Variants in CPED1 observed in about 807,000 individuals in gnomAD.
CPED1 encodes cadherin-like and PC-esterase domain-containing protein 1.
CPED1 carries 114 observed loss-of-function variants against 128.2 expected under a neutral mutation model. The ratio of observed to expected loss-of-function variants is 0.89; its 90% CI spans 0.76 to 1.04. CPED1 has a LOEUF of 1.04. CPED1 is among the 50% of genes least tolerant of loss of function. CPED1 has a pLI of 0.00. For synonymous variants in CPED1, 462 were observed against 426.7 expected (o/e 1.08, Z -1.02); for missense variants, 1,211 against 1,207.1 (o/e 1.00, Z -0.05).
intron 6 of CPED1, among the ~76,000 whole-genome samples, chr7:121,098,743 TAAAA>T (rs59572121): frequency 0.78 from 97,748 of 125,126 alleles, 37,223 homozygotes; most frequent in East Asian, 0.91. Context: ...TATATATATA[TAAAA>T]ATATATAAAA....
rs533350583 is a variant in CPED1, at chr7:121,040,605, A to C, written c.434-6282A>C. 3.9e-5 allele frequency among the ~76,000 whole-genome samples: 6 copies of C among 152,200 alleles called. No individual in the cohort carries two copies. In the South Asian group the frequency reaches 1.2e-3, roughly 31 times the overall value. The stretch of plus-strand genomic sequence containing the variant: ...ATAATACTATGCACTAATCCTGATA[A>C]AGGATGGATACAGGTAAATACTTTG... On this transcript the variant is annotated intron_variant, in intron 3 of 22. Transcript: ENST00000310396.
At chr7:121,010,754 C>T (rs1222826505) in intron 2 of CPED1, among the ~76,000 whole-genome samples, 3 of 152,100 alleles carry the variant, frequency 2.0e-5, no homozygotes, top group Non-Finnish European at 4.4e-5. Flanking sequence ...GCTTGAGATT[C>T]AGTTAAGTCA....
At chr7:121,029,009 A>G (rs1261102475) in intron 3 of CPED1, among the ~76,000 whole-genome samples, 1 of 152,286 alleles carries the variant, frequency 6.6e-6, no homozygotes, top group East Asian at 1.9e-4. Flanking sequence ...AACACATACC[A>G]TAAAAACTTT....
intron 16 of CPED1, among the ~76,000 whole-genome samples, chr7:121,187,099 C>T (rs371431551): frequency 6.6e-6 from 1 of 152,158 alleles, no homozygotes; most frequent in African/African-American, 2.4e-5. Flanking sequence ...ATTTTTCTCT[C>T]CTGCTCTTGT....
chr7:121,025,124 A>C (rs892725794), intron 3 of CPED1, among the ~76,000 whole-genome samples: 6 of 151,992 alleles, frequency 3.9e-5, no homozygotes, highest in African/African-American at 1.4e-4. Context: ...ATGTTTCCCA[A>C]AATAATTAAC....
intron 16 of CPED1, among the ~76,000 whole-genome samples, chr7:121,231,295 A>G (rs189024478): frequency 6.6e-6 from 1 of 152,218 alleles, no homozygotes; most frequent in East Asian, 1.9e-4. Flanking sequence ...CTTTACTACA[A>G]CATAAGAAGA....
chr7:121,144,798 T>C (rs541845318), intron 16 of CPED1, among the ~76,000 whole-genome samples: 1 of 151,956 alleles, frequency 6.6e-6, no homozygotes, highest in South Asian at 2.1e-4. Flanking sequence ...ATGTATCCCA[T>C]AAATATATAC....
intron 2 of CPED1, among the ~76,000 whole-genome samples, chr7:121,003,144 A>G (rs1791910519): frequency 6.6e-6 from 1 of 152,142 alleles, no homozygotes; most frequent in Non-Finnish European, 1.5e-5. Context: ...CGTATTTTCC[A>G]TTCAGCTCTT....
At chr7:121,225,924 A>G (rs1797997975) in intron 16 of CPED1, among the ~76,000 whole-genome samples, 1 of 152,004 alleles carries the variant, frequency 6.6e-6, no homozygotes, top group Admixed American at 6.6e-5. Context: ...GGGTTTGAAC[A>G]TGCTCCTTTA....
At chr7:121,241,754 G>C (rs893170215) in intron 17 of CPED1, among the ~76,000 whole-genome samples, 1 of 152,156 alleles carries the variant, frequency 6.6e-6, no homozygotes, top group Non-Finnish European at 1.5e-5. Context: ...AACAATTGTG[G>C]CTCACTGAGA....
At chr7:121,189,831 A>G (rs1797095930) in intron 16 of CPED1, among the ~76,000 whole-genome samples, 1 of 128,422 alleles carries the variant, frequency 7.8e-6, no homozygotes. Flanking sequence ...TTATCATCTT[A>G]ACTCTGCATC....
Position 121,142,066 on chromosome 7 carries a change from C to A in CPED1, c.1980C>A (p.Tyr660Ter). Residue 660 changes from tyrosine to a stop codon, truncating the protein, a stop_gained, in exon 16 of 23, where the codon TAC (tyrosine) becomes TAA (stop). Coordinates refer to ENST00000310396, the MANE Select transcript of CPED1 (RefSeq NM_024913.5). LOFTEE classifies it high-confidence loss of function. The stretch of plus-strand genomic sequence containing the variant: ...CACACGGTGAGACTCTGATCACGTA[C>A]AAACTCACCATCTATAGAGAAGACC... The part of the protein sequence containing the change: ...SPAHGETLIT[Y>*]KLTIYREDRP... 1 of 1,612,770 alleles carries A rather than the reference C, an allele frequency of 6.2e-7. No individual in the cohort carries two copies. Among genetic ancestry groups the A allele is most frequent in the Non-Finnish European group, 8.5e-7 (1 of 1,179,054 alleles).
chr7:121,095,594 A>G (rs1197349878), intron 5 of CPED1, among the ~76,000 whole-genome samples: 2 of 152,002 alleles, frequency 1.3e-5, no homozygotes, highest in Admixed American at 6.6e-5. Context: ...AGGTAACATT[A>G]TTTTGCTCAG....
intron 4 of CPED1, chr7:121,050,952 C>T: frequency 2.0e-6 from 1 of 499,778 alleles, no homozygotes; most frequent in Admixed American, 2.3e-5. Context: ...AGGAAGAGCC[C>T]AAGAGGAGAT....
rs202059009 is a variant in CPED1 at position 121,130,310 on chromosome 7, A to G, written c.1577+16A>G. Reference sequence around the variant, plus strand: ...CACTGGAATGGTAAGATAGCCACAAATTTGAATTGTACAATCCAAAAAATC... The same window carrying G: ...CACTGGAATGGTAAGATAGCCACAAGTTTGAATTGTACAATCCAAAAAATC... On this transcript the variant is annotated intron_variant, in intron 12 of 22. Transcript: ENST00000310396. The G allele has an allele frequency of 6.3e-7, 1 of 1,582,968 alleles. No individual in the cohort carries two copies. Among genetic ancestry groups the G allele is most frequent in the Non-Finnish European group, 8.6e-7 (1 of 1,169,210 alleles).
intron 16 of CPED1, among the ~76,000 whole-genome samples, chr7:121,165,252 A>G (rs2116447263): frequency 6.6e-6 from 1 of 151,944 alleles, no homozygotes; most frequent in African/African-American, 2.4e-5. Flanking sequence ...TCCAGTATAT[A>G]AACTTCACTT....
chr7:121,141,138 A>G (rs1795892790), intron 15 of CPED1, 125 bp downstream of exon 15: 2 of 639,800 alleles, frequency 3.1e-6, no homozygotes, highest in African/African-American at 1.9e-5. Flanking sequence ...CAGGATGTGA[A>G]CTTTCCCCTT....
chr7:120,999,361 T>C (rs1467075254), intron 2 of CPED1, among the ~76,000 whole-genome samples: 3 of 152,160 alleles, frequency 2.0e-5, no homozygotes, highest in Non-Finnish European at 4.4e-5. Context: ...CTTTGTCTCA[T>C]TGAAGTCCTT....
chr7:121,179,192 A>G (rs983294086), intron 16 of CPED1, among the ~76,000 whole-genome samples: 10 of 152,104 alleles, frequency 6.6e-5, no homozygotes, highest in Admixed American at 2.0e-4. Flanking sequence ...TTAGAAGGTT[A>G]GAGACCTTAA....
Sources: gnomAD v4.1 joint callset for allele counts (sites outside exome capture counted in the v4.1 genomes callset) on GRCh38, gnomAD v4.1.1 for gene constraint, MANE v1.5 for transcripts, NCBI Gene and HGNC (gene_info 2026-07-23, HGNC 2026-07-21) for gene names.